The following PER3 variants were observed in gnomAD, a reference collection of about 807,000 sequenced individuals.
PER3 encodes period circadian protein homolog 3.
In PER3, 107 loss-of-function variants were observed where a neutral mutation model predicts 127.2. The observed-to-expected ratio is 0.84, with a 90% CI of 0.72 to 0.99. The LOEUF (loss-of-function observed/expected upper bound fraction) is 0.99, where lower values mean the gene tolerates loss of function less well. Among genes scored for constraint, PER3 ranks in the 50% least tolerant of loss-of-function variants. The pLI is 0.00. For synonymous variants in PER3, 618 were observed against 585.8 expected (o/e 1.05, Z -0.79); for missense variants, 1,560 against 1,525.8 (o/e 1.02, Z -0.37).
At chr1:7,829,798 G>T in intron 18 of PER3, 36 bp from the exon 19 acceptor site, 1 of 1,529,466 alleles carries the variant, frequency 6.5e-7, no homozygotes, top group South Asian at 1.1e-5. Flanking sequence ...GTGATAAGAA[G>T]ATTAAAGTGT....
rs767021605 is a variant in PER3 at position 7,827,539 on chromosome 1, G to A, written c.2610G>A (p.Ser870=). 46 of 1,613,944 alleles carry A rather than the reference G, an allele frequency of 2.9e-5. No individual in the cohort carries two copies. The highest frequency in any genetic ancestry group is 3.6e-5 in the Non-Finnish European group (43 of 1,180,028). Residue 870 remains serine, a synonymous_variant, in exon 18 of 22, where the codon TCG becomes TCA. Coordinates refer to ENST00000377532, the MANE Select transcript of PER3 (RefSeq NM_001377275.1). ...LPDPPVCPLL[S]PSFLPCPFLG... ...ACCCCCCTGTCTGTCCTCTGTTGTC[G>A]CCATCGTTTTTGCCATGTCCATTCC...
intron 19 of PER3, among the ~76,000 whole-genome samples, chr1:7,831,700 T>C (rs889682206): frequency 6.6e-6 from 1 of 152,246 alleles, no homozygotes; most frequent in African/African-American, 2.4e-5. Flanking sequence ...ATTAATATGG[T>C]GAATTACATC....
At chr1:7,789,408 A>C (rs2097108392) in intron 5 of PER3, among the ~76,000 whole-genome samples, 1 of 152,162 alleles carries the variant, frequency 6.6e-6, no homozygotes, top group Admixed American at 6.5e-5. Flanking sequence ...GATTGCTTTA[A>C]AAATGGGAGT....
chr1:7,840,774 A>AT (rs112147772), intron 21 of PER3, among the ~76,000 whole-genome samples: 3,212 of 143,124 alleles, frequency 0.022, 96 homozygotes, highest in African/African-American at 0.074. Flanking sequence ...TGCCTGGCTA[A>AT]TTTTTTTTTT....
At chr1:7,836,422 G>A (rs1577968857) in intron 20 of PER3, among the ~76,000 whole-genome samples, 2 of 152,210 alleles carry the variant, frequency 1.3e-5, no homozygotes, top group East Asian at 3.9e-4. Context: ...CAGGTGATCT[G>A]CCCACCTCGG....
At position 7,784,928 on chromosome 1, in the gene PER3, G is replaced by C. The variant is rs1317449215; in HGVS notation, c.51G>C (p.Glu17Asp). The C allele has an allele frequency of 1.3e-6, 2 of 1,537,114 alleles. No individual in the cohort carries two copies. The highest frequency in any genetic ancestry group is 1.7e-6 in the Non-Finnish European group (2 of 1,154,164). Residue 17 changes from glutamate (E) to aspartate (D), a missense_variant, in exon 2 of 22, where the codon GAG becomes GAC. Glu to Asp is a conservative substitution (Grantham distance 45). Around this residue, in one of 3 missense-constraint regions of PER3, gnomAD observed 1,332 missense variants for 1,223.6 expected, o/e 1.09. Transcript: ENST00000377532. ...PGPGRRGAKD[E>D]ALGEESGERW... ...CCGGGAGACGGGGGGCTAAGGACGA[G>C]GCCCTGGGCGAAGAATCGGGGGAGC...
At chr1:7,831,567 G>T (rs2097331801) in intron 19 of PER3, among the ~76,000 whole-genome samples, 1 of 152,196 alleles carries the variant, frequency 6.6e-6, no homozygotes, top group Non-Finnish European at 1.5e-5. Context: ...TAAGTACGAT[G>T]TTAAGTATAA....
intron 13 of PER3, chr1:7,811,653 C>T (rs1040991304): frequency 6.6e-6 from 1 of 152,192 alleles, no homozygotes; most frequent in Non-Finnish European, 1.5e-5. Flanking sequence ...TAGCTAGTTC[C>T]TTCTAGCCCT....
intron 13 of PER3, among the ~76,000 whole-genome samples, chr1:7,815,499 T>G (rs999887764): frequency 1.3e-5 from 2 of 152,072 alleles, no homozygotes; most frequent in African/African-American, 4.8e-5. Context: ...GATAAAGGAG[T>G]TGATTCCTTA....
At chr1:7,821,565 C>T (rs1235790202) in intron 16 of PER3, among the ~76,000 whole-genome samples, 1 of 152,172 alleles carries the variant, frequency 6.6e-6, no homozygotes, top group Admixed American at 6.5e-5. Flanking sequence ...GGGCATGTAG[C>T]TGTTCATAAT....
intron 4 of PER3, chr1:7,787,599 A>G (rs538236921): frequency 6.3e-6 from 2 of 315,328 alleles, no homozygotes; most frequent in South Asian, 5.4e-5. Flanking sequence ...CTGATTATAA[A>G]TAAGTTTCAT....
intron 13 of PER3, 67 bp downstream of exon 13, chr1:7,810,655 A>C (rs79372391): frequency 0.042 from 60,524 of 1,444,628 alleles, 3,744 homozygotes; most frequent in Admixed American, 0.26. Context: ...GACGTCATGT[A>C]TGTGATTCGT....
At chr1:7,797,874 G>GGT (rs2097152986) in intron 6 of PER3, among the ~76,000 whole-genome samples, 1 of 152,154 alleles carries the variant, frequency 6.6e-6, no homozygotes, top group African/African-American at 2.4e-5. Flanking sequence ...GGTAACACCG[G>GGT]GTGATGATAT....
chr1:7,792,611 G>A (rs2097127048), intron 5 of PER3, among the ~76,000 whole-genome samples: 1 of 152,120 alleles, frequency 6.6e-6, no homozygotes, highest in African/African-American at 2.4e-5. Context: ...CCCCTTTATA[G>A]GCTATGCCTG....
intron 18 of PER3, 50 bp downstream of exon 18, chr1:7,827,865 T>TAA (rs1489395517): frequency 6.9e-7 from 1 of 1,455,178 alleles, no homozygotes; most frequent in East Asian, 2.3e-5. Context: ...AATATCTTAC[T>TAA]AAAGTTAAGG....
chr1:7,791,445 G>T (rs2097120571), intron 5 of PER3, among the ~76,000 whole-genome samples: 1 of 152,252 alleles, frequency 6.6e-6, no homozygotes, highest in Admixed American at 6.5e-5. Flanking sequence ...GCACAGAGCA[G>T]TGGGGGCCTG....
intron 6 of PER3, among the ~76,000 whole-genome samples, chr1:7,798,080 G>C (rs1020689495): frequency 1.3e-5 from 2 of 152,204 alleles, no homozygotes; most frequent in African/African-American, 4.8e-5. Flanking sequence ...AGCTGGAGAC[G>C]AAATTGGTTC....
chr1:7,828,030 C>A (rs1300714557), intron 18 of PER3, among the ~76,000 whole-genome samples: 2 of 152,158 alleles, frequency 1.3e-5, no homozygotes, highest in Non-Finnish European at 2.9e-5. Flanking sequence ...GTTCTAGTTT[C>A]TTATATACTT....
chr1:7,784,905 G>A lies in PER3; in HGVS notation c.28G>A (p.Gly10Arg), dbSNP rs752033868. MPRGEAPGP[G>R]RRGAKDEALG... ...GCCCCGCGGGGAAGCTCCTGGCCCC[G>A]GGAGACGGGGGGCTAAGGACGAGGC... Residue 10 changes from glycine to arginine, a missense_variant, in exon 2 of 22, where the codon GGG becomes AGG. Gly to Arg is a moderately radical substitution (Grantham distance 125, BLOSUM62 -2). Coordinates refer to ENST00000377532, the MANE Select transcript of PER3 (RefSeq NM_001377275.1). 5 of 1,522,518 alleles carry A rather than the reference G, an allele frequency of 3.3e-6. No homozygotes were observed. Among genetic ancestry groups the A allele is most frequent in the South Asian group, 2.6e-5 (2 of 76,292 alleles). The allele number at this position is 1,522,518 out of a possible 1,614,324, so 94.3% of individuals were successfully genotyped here. A position where few individuals can be genotyped will look rare whatever the true frequency, so the allele number is the denominator to read the frequency against.
Sources: gnomAD v4.1 joint callset for allele counts (sites outside exome capture counted in the v4.1 genomes callset) on GRCh38, gnomAD v4.1.1 for gene constraint, gnomAD v4.1.1 regional missense constraint, MANE v1.5 for transcripts, NCBI Gene and HGNC (gene_info 2026-07-23, HGNC 2026-07-21) for gene names.